The following STXBP5L variants were observed in gnomAD, a reference collection of about 807,000 sequenced individuals.
STXBP5L encodes syntaxin-binding protein 5-like.
A neutral mutation model predicts 144.5 loss-of-function variants in STXBP5L; 65 were observed. The observed-to-expected ratio is 0.45, with a 90% CI of 0.37 to 0.55. STXBP5L has a LOEUF of 0.55. Ranked by LOEUF, STXBP5L falls within the 20% of genes least tolerant of loss-of-function variation. STXBP5L has a pLI of 0.00. For synonymous variants in STXBP5L, 505 were observed against 469.6 expected, an observed-to-expected ratio of 1.08 and a Z score of -0.97; for missense variants, 1,298 against 1,405.5, an observed-to-expected ratio of 0.92 and a Z score of 1.22.
At chr3:121,337,190 C>A (rs1576208659) in intron 20 of STXBP5L, among the ~76,000 whole-genome samples, 1 of 151,472 alleles carries the variant, frequency 6.6e-6, no homozygotes, top group Admixed American at 6.6e-5. Context: ...TACAACAAAC[C>A]CCCATGACAT....
At chr3:121,349,700 A>G (rs2045185532) in intron 20 of STXBP5L, among the ~76,000 whole-genome samples, 2 of 151,848 alleles carry the variant, frequency 1.3e-5, no homozygotes, top group Non-Finnish European at 1.5e-5. Flanking sequence ...TGATCCCTTT[A>G]CCATTATGTA....
intron 3 of STXBP5L, among the ~76,000 whole-genome samples, chr3:121,008,970 G>T (rs956687619): frequency 6.6e-6 from 1 of 151,696 alleles, no homozygotes; most frequent in Non-Finnish European, 1.5e-5. Context: ...ATCTTTTGAG[G>T]AATGATATCA....
intron 9 of STXBP5L, among the ~76,000 whole-genome samples, chr3:121,165,088 T>C (rs2046454350): frequency 6.6e-6 from 1 of 152,250 alleles, no homozygotes; most frequent in Non-Finnish European, 1.5e-5. Context: ...TGCCTCACTA[T>C]AGTAACATGT....
intron 2 of STXBP5L, among the ~76,000 whole-genome samples, chr3:120,933,851 G>A (rs1039372546): frequency 2.0e-5 from 3 of 151,966 alleles, no homozygotes; most frequent in Non-Finnish European, 4.4e-5. Flanking sequence ...GTAGCAAAAC[G>A]AATTCAATAC....
chr3:121,336,646 T>C (rs1206052167), intron 20 of STXBP5L, among the ~76,000 whole-genome samples: 3 of 152,166 alleles, frequency 2.0e-5, no homozygotes, highest in Non-Finnish European at 4.4e-5. Context: ...GGAATGCTTA[T>C]ACACTGTTGG....
intron 9 of STXBP5L, 195 bp downstream of exon 9, chr3:121,157,822 C>G (rs2046176040): frequency 1.5e-6 from 1 of 647,492 alleles, no homozygotes; most frequent in South Asian, 2.4e-5. Flanking sequence ...TTCCTACCAA[C>G]CCACATCCCT....
chr3:120,999,627 G>C (rs924028688), intron 3 of STXBP5L, among the ~76,000 whole-genome samples: 3 of 151,976 alleles, frequency 2.0e-5, no homozygotes, highest in Non-Finnish European at 4.4e-5. Flanking sequence ...TGTTAGCTGG[G>C]GTTTTTTTTT....
intron 15 of STXBP5L, 137 bp from the exon 16 acceptor site, chr3:121,254,758 G>A: frequency 2.7e-6 from 2 of 727,732 alleles, no homozygotes; most frequent in Non-Finnish European, 4.4e-6. Flanking sequence ...GGCATTGAAT[G>A]CTTTACTGGT....
chr3:121,041,596 G>C (rs2107550089), intron 3 of STXBP5L, 104 bp from the exon 4 acceptor site: 1 of 829,238 alleles, frequency 1.2e-6, no homozygotes, highest in East Asian at 2.7e-5. Flanking sequence ...TAAAAATAAG[G>C]GAAACCAAAT....
At chr3:120,916,666 G>T (rs1341447427) in intron 2 of STXBP5L, among the ~76,000 whole-genome samples, 4 of 152,090 alleles carry the variant, frequency 2.6e-5, no homozygotes, top group Non-Finnish European at 5.9e-5. Context: ...ATCTTATTTG[G>T]ACATGTAAAT....
chr3:121,045,434 G>T lies in STXBP5L; in HGVS notation c.370-1G>T. The T allele has an allele frequency of 6.2e-7, 1 of 1,602,956 alleles. No homozygotes were observed. The stretch of plus-strand genomic sequence containing the variant: ...CTTACTTTATCTTCTTTTTGTTCTA[G>T]GGTGCCTTGGTCAGTGCAAGTTCAG... On this transcript the variant is annotated splice_acceptor_variant, in intron 4 of 26. Coordinates refer to ENST00000471454, the MANE Select transcript of STXBP5L (RefSeq NM_001308330.2). LOFTEE classifies it high-confidence loss of function.
intron 3 of STXBP5L, among the ~76,000 whole-genome samples, chr3:121,013,383 C>T (rs189867031): frequency 1.8e-4 from 28 of 152,172 alleles, no homozygotes; most frequent in Admixed American, 1.4e-3. Flanking sequence ...TAATAATAGT[C>T]ATTCTGACTG....
At chr3:120,909,387 G>T (rs1276544839) in intron 1 of STXBP5L, among the ~76,000 whole-genome samples, 184 bp from the exon 2 acceptor site, 1 of 152,072 alleles carries the variant, frequency 6.6e-6, no homozygotes. Context: ...TTTTAAAAAG[G>T]ATATGCTTTT....
chr3:121,098,002 A>G (rs376308002), intron 5 of STXBP5L, among the ~76,000 whole-genome samples: 1 of 152,118 alleles, frequency 6.6e-6, no homozygotes, highest in East Asian at 1.9e-4. Context: ...CAGTTTTTCA[A>G]TCATATACTT....
At chr3:121,148,688 G>T (rs2045813890) in intron 7 of STXBP5L, among the ~76,000 whole-genome samples, 1 of 152,018 alleles carries the variant, frequency 6.6e-6, no homozygotes, top group South Asian at 2.1e-4. Flanking sequence ...AACATGAAGT[G>T]GTTGGTATAA....
intron 3 of STXBP5L, among the ~76,000 whole-genome samples, chr3:120,958,217 G>C (rs1938277468): frequency 1.3e-5 from 2 of 152,142 alleles, no homozygotes; most frequent in Admixed American, 1.3e-4. Flanking sequence ...GGAAGAAATT[G>C]AATCTCTGAA....
chr3:121,258,916 C>A, intron 17 of STXBP5L, 127 bp from the exon 18 acceptor site: 1 of 836,884 alleles, frequency 1.2e-6, no homozygotes, highest in Non-Finnish European at 1.6e-6. Flanking sequence ...AGGCACCATC[C>A]ATCTGCATGC....
chr3:121,082,288 T>C (rs1401497938), intron 5 of STXBP5L, among the ~76,000 whole-genome samples: 3 of 150,186 alleles, frequency 2.0e-5, no homozygotes, highest in African/African-American at 7.4e-5. Context: ...TTCTTTGATT[T>C]CTTTCATCAT....
chr3:121,399,540 T>G (rs1217137296), intron 22 of STXBP5L, among the ~76,000 whole-genome samples: 1 of 152,202 alleles, frequency 6.6e-6, no homozygotes, highest in Admixed American at 6.5e-5. Context: ...AAGCCAGTCA[T>G]TAGCATTGTT....
Sources: allele counts gnomAD v4.1 joint callset (sites outside exome capture counted in the v4.1 genomes callset), GRCh38; gene constraint gnomAD v4.1.1; transcripts MANE v1.5; gene names NCBI Gene and HGNC (gene_info 2026-07-23, HGNC 2026-07-21).